ZNF106: variants seen among roughly 807,000 people sequenced by gnomAD.
ZNF106 encodes zinc finger protein 106.
A neutral mutation model predicts 195.1 loss-of-function variants in ZNF106; 67 were observed. The ratio of observed to expected loss-of-function variants is 0.34; its 90% CI spans 0.28 to 0.42. The LOEUF (loss-of-function observed/expected upper bound fraction) is 0.42. ZNF106 is among the 10% of genes least tolerant of loss of function. The pLI is 1.00. For missense variants in ZNF106, 2,118 were observed against 2,304.5 expected (o/e 0.92, Z 1.66); for synonymous variants, 784 against 818.6 (o/e 0.96, Z 0.72).
intron 20 of ZNF106, among the ~76,000 whole-genome samples, chr15:42,419,405 A>G (rs1415303337): frequency 6.6e-6 from 1 of 151,816 alleles, no homozygotes; most frequent in Non-Finnish European, 1.5e-5. Flanking sequence ...AGCTGGGCAT[A>G]GTGGCACATG....
rs1336176363 is a variant in ZNF106 at position 42,451,193 on chromosome 15, T to C, written c.1079A>G (p.Lys360Arg). The change falls in exon 5 of 22, where the codon AAG becomes AGG. Residue 360 changes from lysine (K) to arginine (R), a missense_variant. Transcript: ENST00000564754. ...ADTATSKVSG[K>R]NGSAAREKPR... ...CTTTTCCCTTGCCGCACTGCCATTC[T>C]TTCCACTAACTTTGGAAGTAGCAGT... is the stretch of plus-strand genomic sequence containing the variant. 8 of 1,614,004 alleles carry C rather than the reference T, an allele frequency of 5.0e-6. No individual in the cohort carries two copies. The highest frequency in any genetic ancestry group is 6.8e-6 in the Non-Finnish European group (8 of 1,180,020).
At chr15:42,468,453 G>A (rs1440282207) in intron 2 of ZNF106, among the ~76,000 whole-genome samples, 1 of 151,962 alleles carries the variant, frequency 6.6e-6, no homozygotes, top group Non-Finnish European at 1.5e-5. Context: ...TGCTTCATAA[G>A]GAGAGAGTAG....
At chr15:42,444,355 CAG>C (rs2055682697) in intron 8 of ZNF106, 93 bp from the exon 9 acceptor site, 3 of 990,014 alleles carry the variant, frequency 3.0e-6, no homozygotes, top group Non-Finnish European at 3.1e-6. Context: ...GACCAAAAAT[CAG>C]AGTGTCTTGA....
chr15:42,439,196 T>C lies in ZNF106; in HGVS notation c.4381A>G (p.Ile1461Val), dbSNP rs1462720719. 1.2e-6 allele frequency: 2 copies of C among 1,614,184 alleles called. No homozygotes were observed. The highest frequency in any genetic ancestry group is 2.2e-5 in the East Asian group (1 of 44,884). ...IPNPQLEVVA[I>V]DSSESGEEKP... ...TCTTCTCCTGATTCTGAAGAATCAA[T>C]GGCTACTACTTCTAACTGAGGATTA... The change falls in exon 11 of 22, where the codon ATT (isoleucine) becomes GTT (valine). Residue 1461 changes from isoleucine (I) to valine (V), a missense_variant. Transcript: ENST00000564754.
Position 42,451,422 on chromosome 15 carries a change from T to G in ZNF106, c.850A>C (p.Met284Leu). 1 of 1,614,220 alleles carries G rather than the reference T, an allele frequency of 6.2e-7. No individual in the cohort carries two copies. Among genetic ancestry groups the G allele is most frequent in the Non-Finnish European group, 8.5e-7 (1 of 1,180,036 alleles). Residue 284 changes from methionine (M) to leucine (L), a missense_variant, in exon 5 of 22, where the codon ATG becomes CTG. Met to Leu is a conservative substitution (Grantham distance 15). Coordinates refer to ENST00000564754, the MANE Select transcript of ZNF106 (RefSeq NM_001366845.3). Reference sequence around the variant, plus strand: ...TTATTAGATTTCTTGTTCCATAGCATAGTCATGTCTTCCATTTGACAGTTA... The same window carrying G: ...TTATTAGATTTCTTGTTCCATAGCAGAGTCATGTCTTCCATTTGACAGTTA... ...NSNCQMEDMT[M>L]LWNKKSNKSN...
intron 3 of ZNF106, chr15:42,457,521 C>A: frequency 9.0e-7 from 1 of 1,109,518 alleles, no homozygotes; most frequent in Non-Finnish European, 1.1e-6. Context: ...ACCCATGGTG[C>A]CAGCTGCACT....
rs754168534 is a variant in ZNF106 at position 42,415,496 on chromosome 15, C to G, written c.*1808G>C. On this transcript the variant is annotated 3_prime_UTR_variant, in exon 22 of 22. Transcript: ENST00000564754. ...CCTTTCCTGGAAAAAAGAACACATA[C>G]TCAGTCTCACACACAATTTCTGGGG... 2.2e-6 allele frequency: 1 copy of G among 455,394 alleles called. No individual in the cohort carries two copies. Among genetic ancestry groups the G allele is most frequent in the Admixed American group, 2.4e-5 (1 of 42,468 alleles). The allele number at this position is 455,394 out of a possible 1,614,324, so 28.2% of individuals were successfully genotyped here.
chr15:42,487,265 T>C (rs2057037737), intron 1 of ZNF106, among the ~76,000 whole-genome samples: 1 of 152,046 alleles, frequency 6.6e-6, no homozygotes, highest in Non-Finnish European at 1.5e-5. Context: ...CAGAATCACT[T>C]GAGGCCAGGA....
chr15:42,447,526 G>A (rs942853128), intron 6 of ZNF106, among the ~76,000 whole-genome samples: 8 of 152,048 alleles, frequency 5.3e-5, no homozygotes, highest in African/African-American at 1.9e-4. Context: ...GAGCAGAAGT[G>A]GTATCAGTGA....
Position 42,440,700 on chromosome 15 carries a change from G to A in ZNF106, c.3764-887C>T, listed in dbSNP as rs550753603. On this transcript the variant is annotated intron_variant, in intron 10 of 21. Coordinates refer to ENST00000564754, the MANE Select transcript of ZNF106 (RefSeq NM_001366845.3). ...AAAATAATTTTTAAAAATATGCTAG[G>A]GGCTGGGCAAGGTGGCTCATGTCTG... is the stretch of plus-strand genomic sequence containing the variant. Among the ~76,000 whole-genome samples the A allele has an allele frequency of 3.4e-3, 509 of 151,688 alleles. 2 individuals are homozygous for A. Among genetic ancestry groups the A allele is most frequent in the Admixed American group, 5.4e-3 (83 of 15,230 alleles).
chr15:42,478,506 C>CT (rs1259967996), intron 1 of ZNF106, among the ~76,000 whole-genome samples: 2 of 120,502 alleles, frequency 1.7e-5, no homozygotes, highest in Admixed American at 1.1e-4. Context: ...CAGATGTCCT[C>CT]TTTTTCTTTT....
At chr15:42,438,934 T>A in intron 11 of ZNF106, 99 bp downstream of exon 11, 1 of 1,381,486 alleles carries the variant, frequency 7.2e-7, no homozygotes, top group Non-Finnish European at 9.8e-7. Flanking sequence ...TCACATAAAG[T>A]TTGGTTTTTA....
In ZNF106 at chr15:42,438,519, A is replaced by G. The variant is rs996306939; in HGVS notation, c.4600+93T>C. ...AAACCCCTCCCCATTCTCCTATTCT[A>G]TAAATATATTTAAGTAGGTTTAAAT... On this transcript the variant is annotated intron_variant, in intron 12 of 21. Transcript: ENST00000564754. 4 of 1,136,380 alleles carry G rather than the reference A, an allele frequency of 3.5e-6. No homozygotes were observed. In the Admixed American group the frequency reaches 6.6e-5, roughly 19 times the overall value. The allele number at this position is 1,136,380 out of a possible 1,614,324, so 70.4% of individuals were successfully genotyped here. A position where few individuals can be genotyped will look rare whatever the true frequency, so the allele number is the denominator to read the frequency against.
chr15:42,464,522 C>CTTTTTTTTT (rs928173954), intron 3 of ZNF106, among the ~76,000 whole-genome samples: 1 of 113,486 alleles, frequency 8.8e-6, no homozygotes, highest in Non-Finnish European at 1.7e-5. Flanking sequence ...ACACATGCTA[C>CTTTTTTTTT]TTTTTTTTTT....
intron 14 of ZNF106, among the ~76,000 whole-genome samples, chr15:42,432,879 T>C (rs2055107306): frequency 6.6e-6 from 1 of 152,076 alleles, no homozygotes; most frequent in South Asian, 2.1e-4. Context: ...GCCAAGACCT[T>C]GTCTCAAAAA....
intron 8 of ZNF106, 80 bp from the exon 9 acceptor site, chr15:42,444,342 C>T: frequency 8.8e-7 from 1 of 1,135,518 alleles, no homozygotes; most frequent in Non-Finnish European, 1.3e-6. Context: ...TCTTCTATGT[C>T]CTGACCAAAA....
chr15:42,469,120 G>A (rs2056603035), intron 2 of ZNF106, among the ~76,000 whole-genome samples: 1 of 152,094 alleles, frequency 6.6e-6, no homozygotes, highest in Non-Finnish European at 1.5e-5. Context: ...AGGAGGTGGA[G>A]GTTGCAGTGA....
At chr15:42,435,954 GTTTCT>G (rs1275697081) in intron 13 of ZNF106, among the ~76,000 whole-genome samples, 2 of 146,256 alleles carry the variant, frequency 1.4e-5, no homozygotes, top group East Asian at 4.0e-4. Context: ...TTCTGGTGTT[GTTTCT>G]TTTTTTTTTT....
chr15:42,444,863 A>C lies in ZNF106; in HGVS notation c.3324T>G (p.Tyr1108Ter), dbSNP rs770272433. Residue 1108 changes from tyrosine to a stop codon, truncating the protein, a stop_gained, in exon 8 of 22, where the codon TAT becomes TAG. Transcript: ENST00000564754. LOFTEE classifies it high-confidence loss of function. Reference protein sequence around the residue: ...LQARAALQTAYVEVQRLLMLK... With the variant: ...LQARAALQTA The stretch of plus-strand genomic sequence containing the variant: ...GCATAAGTAGCCTCTGAACTTCCAC[A>C]TAAGCTGTCTGAAGGGCTGCACGGG... 6.2e-7 allele frequency: 1 copy of C among 1,614,166 alleles called. No homozygotes were observed. Among genetic ancestry groups the C allele is most frequent in the Admixed American group, 1.7e-5 (1 of 60,016 alleles).
Sources: allele counts gnomAD v4.1 joint callset (sites outside exome capture counted in the v4.1 genomes callset), GRCh38; gene constraint gnomAD v4.1.1; transcripts MANE v1.5; gene names NCBI Gene and HGNC (gene_info 2026-07-23, HGNC 2026-07-21).